BMPER: variants seen among roughly 807,000 people sequenced by gnomAD.
BMPER encodes BMP binding endothelial regulator.
In BMPER, 45 loss-of-function variants were observed where a neutral mutation model predicts 87.3. The observed-to-expected ratio is 0.52, with a 90% confidence interval of 0.41 to 0.66. BMPER has a LOEUF of 0.66. BMPER is among the 30% of genes least tolerant of loss of function. The probability of loss-of-function intolerance (pLI) is 0.00; values close to 1 mark genes in which losing one functional copy is unlikely to be tolerated. For missense variants in BMPER, 784 were observed against 867.5 expected (o/e 0.90, Z 1.21); for synonymous variants, 326 against 316.2 (o/e 1.03, Z -0.33).
At chr7:34,082,184 C>T (rs1789067171) in intron 12 of BMPER, among the ~76,000 whole-genome samples, 1 of 152,144 alleles carries the variant, frequency 6.6e-6, no homozygotes, top group African/African-American at 2.4e-5. Flanking sequence ...TACCCAATTT[C>T]CCATGCAGAG....
chr7:33,940,277 A>G (rs939865875), intron 3 of BMPER, among the ~76,000 whole-genome samples: 1 of 152,214 alleles, frequency 6.6e-6, no homozygotes, highest in Non-Finnish European at 1.5e-5. Context: ...ATTTGGACAT[A>G]TCGTCCTTAA....
At chr7:34,009,189 G>A (rs186295248) in intron 6 of BMPER, among the ~76,000 whole-genome samples, 35 of 151,924 alleles carry the variant, frequency 2.3e-4, no homozygotes, top group Non-Finnish European at 4.1e-4. Context: ...ACAACCATGT[G>A]CCACCAAGCC....
chr7:34,065,098 A>G (rs1788540709), intron 11 of BMPER, among the ~76,000 whole-genome samples: 1 of 152,200 alleles, frequency 6.6e-6, no homozygotes, highest in African/African-American at 2.4e-5. Context: ...TGAAACTACA[A>G]AAAAGTCTAG....
At chr7:34,143,091 A>T in intron 13 of BMPER, 139 bp from the exon 14 acceptor site, 1 of 1,261,668 alleles carries the variant, frequency 7.9e-7, no homozygotes, top group Non-Finnish European at 1.1e-6. Flanking sequence ...AATTTTGCCA[A>T]TTTAGATTTC....
In BMPER at chr7:34,058,180, G is replaced by T. The variant is rs1788334356; in HGVS notation, c.1032+17G>T. ...TGCCCACAGGTATGTTTGGAACACA[G>T]ATTGACTTTACCTTAGCGTCTTGAG... On this transcript the variant is annotated intron_variant, in intron 10 of 14. Coordinates refer to ENST00000649409, the MANE Select transcript of BMPER (RefSeq NM_001365308.1). The T allele has an allele frequency of 1.2e-6, 2 of 1,607,098 alleles. No homozygotes were observed. The highest frequency in any genetic ancestry group is 1.7e-6 in the Non-Finnish European group (2 of 1,173,858).
intron 2 of BMPER, among the ~76,000 whole-genome samples, chr7:33,914,007 G>GCCGGA (rs1784028519): frequency 6.7e-6 from 1 of 150,040 alleles, no homozygotes; most frequent in Non-Finnish European, 1.5e-5. Flanking sequence ...AGTTGCCCAG[G>GCCGGA]CTGGAGTGCA....
intron 2 of BMPER, among the ~76,000 whole-genome samples, chr7:33,931,519 G>A (rs1784481042): frequency 6.6e-6 from 1 of 152,210 alleles, no homozygotes; most frequent in South Asian, 2.1e-4. Flanking sequence ...TTTATGAGAA[G>A]TGGTATAATA....
rs773485499 is a variant in BMPER at position 34,078,848 on chromosome 7, C to T, written c.1079-9C>T. ...TGTGACCCGGCTTTTGTCTCTCACT[C>T]CTCCGCAGAGCCCGGCGTTTGCACG... On this transcript the variant is annotated splice_polypyrimidine_tract_variant and intron_variant, in intron 11 of 14. Transcript: ENST00000649409. The T allele has an allele frequency of 3.1e-6, 5 of 1,613,988 alleles. No homozygotes were observed. In the African/African-American group the frequency reaches 5.3e-5, roughly 17 times the overall value.
At chr7:34,006,161 T>A (rs780189363) in intron 6 of BMPER, among the ~76,000 whole-genome samples, 1 of 152,036 alleles carries the variant, frequency 6.6e-6, no homozygotes, top group Admixed American at 6.6e-5. Flanking sequence ...AATAAACTGC[T>A]CTAACAGCTA....
At chr7:34,131,276 GAGCTATCCCTCGGCAGCCA>G (rs1025529121) in intron 13 of BMPER, among the ~76,000 whole-genome samples, 6 of 152,112 alleles carry the variant, frequency 3.9e-5, no homozygotes, top group Non-Finnish European at 5.9e-5. Context: ...CCAGTGGACT[GAGCTATCCCTCGGCAGCCA>G]AGGCTGCAAA....
At chr7:34,024,379 A>T (rs1004126943) in intron 6 of BMPER, among the ~76,000 whole-genome samples, 1 of 76,660 alleles carries the variant, frequency 1.3e-5, no homozygotes, top group African/African-American at 6.7e-5. Context: ...AAAAAAAAAA[A>T]AAACAATATA....
At chr7:34,092,079 C>G (rs1467473897) in intron 13 of BMPER, among the ~76,000 whole-genome samples, 1 of 152,104 alleles carries the variant, frequency 6.6e-6, no homozygotes, top group Non-Finnish European at 1.5e-5. Flanking sequence ...TTGCTGTCCC[C>G]AATTCTGAGT....
intron 6 of BMPER, among the ~76,000 whole-genome samples, chr7:33,998,054 G>C (rs1443940717): frequency 6.6e-6 from 1 of 152,136 alleles, no homozygotes; most frequent in Admixed American, 6.5e-5. Context: ...ATTAGGACTG[G>C]GACATTGTTT....
chr7:33,919,527 C>T (rs1207343004), intron 2 of BMPER, among the ~76,000 whole-genome samples: 1 of 152,072 alleles, frequency 6.6e-6, no homozygotes, highest in East Asian at 1.9e-4. Flanking sequence ...GGTGGTGGGA[C>T]AGTGGTGGAG....
chr7:34,055,442 A>AATACAT, intron 9 of BMPER, 139 bp downstream of exon 9: 10 of 1,057,382 alleles, frequency 9.5e-6, no homozygotes, highest in East Asian at 2.6e-5. Flanking sequence ...TATTAATAGA[A>AATACAT]TGTATTTATA....
chr7:34,039,307 G>A (rs191476372), intron 6 of BMPER, among the ~76,000 whole-genome samples: 4 of 152,308 alleles, frequency 2.6e-5, no homozygotes, highest in Admixed American at 2.6e-4. Flanking sequence ...ATCCAGGAAA[G>A]TTATTAAAAA....
intron 6 of BMPER, among the ~76,000 whole-genome samples, chr7:34,036,221 C>T (rs999106417): frequency 2.0e-5 from 3 of 152,054 alleles, no homozygotes; most frequent in African/African-American, 7.2e-5. Flanking sequence ...TGACTACTTC[C>T]GTGATGATGA....
chr7:33,920,196 T>G (rs1784186698), intron 2 of BMPER, among the ~76,000 whole-genome samples: 1 of 152,176 alleles, frequency 6.6e-6, no homozygotes, highest in Non-Finnish European at 1.5e-5. Flanking sequence ...GCTACTTGTC[T>G]TCTCTCACAC....
chr7:33,994,604 G>A (rs1786347545), intron 6 of BMPER, among the ~76,000 whole-genome samples: 1 of 152,216 alleles, frequency 6.6e-6, no homozygotes, highest in African/African-American at 2.4e-5. Flanking sequence ...GCTGGGAGCT[G>A]TAGACCGGAG....
Sources: allele counts gnomAD v4.1 joint callset (sites outside exome capture counted in the v4.1 genomes callset), GRCh38; gene constraint gnomAD v4.1.1; transcripts MANE v1.5; gene names NCBI Gene and HGNC (gene_info 2026-07-23, HGNC 2026-07-21).